The following SLC16A12 variants were observed in gnomAD, a reference collection of about 807,000 sequenced individuals.
The protein encoded by SLC16A12 is monocarboxylate transporter 12.
Under a neutral mutation model 42.4 loss-of-function variants are expected in SLC16A12, and 17 were observed. The observed-to-expected ratio is 0.40, with a 90% CI of 0.27 to 0.60. The LOEUF (loss-of-function observed/expected upper bound fraction) is 0.60, where lower values mean the gene tolerates loss of function less well. Among genes scored for constraint, SLC16A12 ranks in the 20% least tolerant of loss-of-function variants. SLC16A12 has a pLI of 0.42. For missense variants in SLC16A12, 544 were observed against 623.0 expected, an observed-to-expected ratio of 0.87 and a Z score of 1.35; for synonymous variants, 224 against 229.4, an observed-to-expected ratio of 0.98 and a Z score of 0.21.
chr10:89,555,349 A>C (rs1282111886), intron 2 of SLC16A12, among the ~76,000 whole-genome samples: 2 of 151,582 alleles, frequency 1.3e-5, no homozygotes, highest in Non-Finnish European at 2.9e-5. Context: ...GACAGGGATA[A>C]TGAGCTTAAA....
intron 3 of SLC16A12, among the ~76,000 whole-genome samples, chr10:89,456,601 G>A (rs1842194785): frequency 1.3e-5 from 2 of 151,856 alleles, no homozygotes; most frequent in Non-Finnish European, 2.9e-5. Flanking sequence ...TTGTTACATA[G>A]ATAAACGTGT....
intron 2 of SLC16A12, among the ~76,000 whole-genome samples, chr10:89,473,408 A>C (rs1351641613): frequency 6.6e-6 from 1 of 152,184 alleles, no homozygotes; most frequent in Non-Finnish European, 1.5e-5. Context: ...TTTATACCAA[A>C]CCTATAGATA....
At chr10:89,516,243 G>GT (rs1397251754) in intron 2 of SLC16A12, among the ~76,000 whole-genome samples, 1 of 152,144 alleles carries the variant, frequency 6.6e-6, no homozygotes, top group Non-Finnish European at 1.5e-5. Flanking sequence ...CGGAACTTAA[G>GT]TATCTATGGA....
chr10:89,550,661 C>A (rs1049750767), intron 2 of SLC16A12, among the ~76,000 whole-genome samples: 1 of 152,010 alleles, frequency 6.6e-6, no homozygotes, highest in East Asian at 1.9e-4. Flanking sequence ...CCCACCCCCG[C>A]CTTTCTCTAC....
intron 6 of SLC16A12, among the ~76,000 whole-genome samples, chr10:89,436,930 A>G (rs963418587): frequency 1.4e-4 from 20 of 142,428 alleles, no homozygotes; most frequent in Non-Finnish European, 1.7e-4. Flanking sequence ...AAGAGTGCAT[A>G]AATCTCAAAA....
At chr10:89,462,802 A>G in intron 2 of SLC16A12, 178 bp from the exon 3 acceptor site, 1 of 635,870 alleles carries the variant, frequency 1.6e-6, no homozygotes, top group Non-Finnish European at 2.5e-6. Context: ...TTTTAAAAAT[A>G]AAATAGAACC....
chr10:89,445,971 A>C (rs1841993837), intron 3 of SLC16A12, among the ~76,000 whole-genome samples: 1 of 152,230 alleles, frequency 6.6e-6, no homozygotes, highest in African/African-American at 2.4e-5. Context: ...CACAAGCTTC[A>C]GTAGCCGATT....
chr10:89,436,439 G>T, intron 6 of SLC16A12, 120 bp from the exon 7 acceptor site: 1 of 1,199,762 alleles, frequency 8.3e-7, no homozygotes, highest in Non-Finnish European at 1.2e-6. Flanking sequence ...TTCCCATTGT[G>T]TGTTATGTAT....
chr10:89,539,876 T>TCTTTCTTTCTTTCTTC (rs1843701985), upstream of SLC16A12, among the ~76,000 whole-genome samples: 1 of 144,318 alleles, frequency 6.9e-6, no homozygotes, highest in Non-Finnish European at 1.5e-5. Context: ...TTTCTTTCTT[T>TCTTTCTTTCTTTCTTC]CTTTCTTTCT....
chr10:89,523,557 C>T (rs1454287446), intron 2 of SLC16A12, among the ~76,000 whole-genome samples: 1 of 152,188 alleles, frequency 6.6e-6, no homozygotes, highest in African/African-American at 2.4e-5. Context: ...TACTATTTAT[C>T]TTTCTTCCCT....
At chr10:89,461,313 C>T (rs772874911) in intron 3 of SLC16A12, among the ~76,000 whole-genome samples, 35 of 152,166 alleles carry the variant, frequency 2.3e-4, no homozygotes, top group Non-Finnish European at 3.8e-4. Context: ...GAAGTCATCA[C>T]CACAACAGCC....
At chr10:89,449,338 T>G (rs960655789) in intron 3 of SLC16A12, among the ~76,000 whole-genome samples, 1 of 152,152 alleles carries the variant, frequency 6.6e-6, no homozygotes, top group African/African-American at 2.4e-5. Context: ...GGAGGCATCA[T>G]GCTACCTGAC....
At position 89,525,234 on chromosome 10, in the gene SLC16A12, A is replaced by G. The variant is rs182700222; in HGVS notation, c.-47+9267T>C. On this transcript the variant is annotated intron_variant, in intron 2 of 7. Transcript: ENST00000371790. ...AGACACCATATCAAAAAAAAAAAAA[A>G]AAAAAAAAAAAGCTAAACTGAAATT... 5.3e-5 allele frequency among the ~76,000 whole-genome samples: 8 copies of G among 151,896 alleles called. No homozygotes were observed. In the East Asian group the frequency reaches 1.5e-3, roughly 29 times the overall value.
intron 3 of SLC16A12, among the ~76,000 whole-genome samples, chr10:89,460,744 CA>C (rs751005622): frequency 0.045 from 3,079 of 68,400 alleles, 20 homozygotes; most frequent in African/African-American, 0.062. Context: ...GACACTGTCT[CA>C]AAAAAAAAAA....
At chr10:89,513,293 T>C (rs1843193351) in intron 2 of SLC16A12, among the ~76,000 whole-genome samples, 1 of 152,216 alleles carries the variant, frequency 6.6e-6, no homozygotes, top group Admixed American at 6.5e-5. Flanking sequence ...GGTTGCAAAG[T>C]ATTTGATTGT....
At chr10:89,527,950 C>A (rs561980584) in intron 2 of SLC16A12, among the ~76,000 whole-genome samples, 6 of 152,252 alleles carry the variant, frequency 3.9e-5, no homozygotes, top group Admixed American at 2.0e-4. Flanking sequence ...ACAAGGAAAG[C>A]TCTAAAATTA....
chr10:89,522,795 C>A (rs893211217), intron 2 of SLC16A12, among the ~76,000 whole-genome samples: 1 of 152,152 alleles, frequency 6.6e-6, no homozygotes, highest in Non-Finnish European at 1.5e-5. Flanking sequence ...TAAGACAATT[C>A]CATCTTCAAA....
chr10:89,473,726 T>C (rs1297408285), intron 2 of SLC16A12, among the ~76,000 whole-genome samples: 2 of 152,206 alleles, frequency 1.3e-5, no homozygotes, highest in Admixed American at 1.3e-4. Flanking sequence ...GGTACTCTTT[T>C]AGGGTACCTT....
chr10:89,492,245 G>T (rs1210316750), intron 2 of SLC16A12, among the ~76,000 whole-genome samples: 1 of 152,138 alleles, frequency 6.6e-6, no homozygotes, highest in Non-Finnish European at 1.5e-5. Context: ...AAAATAATCT[G>T]CCATGATTAT....
Sources: gnomAD v4.1 joint callset for allele counts (sites outside exome capture counted in the v4.1 genomes callset) on GRCh38, gnomAD v4.1.1 for gene constraint, MANE v1.5 for transcripts, NCBI Gene and HGNC (gene_info 2026-07-23, HGNC 2026-07-21) for gene names.